The following HERPUD2 variants were observed in gnomAD, a reference collection of about 807,000 sequenced individuals.
The protein encoded by HERPUD2 is HERPUD family member 2, also known as homocysteine-responsive endoplasmic reticulum-resident ubiquitin-like domain member 2 protein.
Under a neutral mutation model 49.9 loss-of-function variants are expected in HERPUD2, and 13 were observed. That is an observed-to-expected ratio of 0.26 (90% CI 0.17 to 0.41). HERPUD2 has a LOEUF of 0.41. HERPUD2 is among the 10% of genes least tolerant of loss of function. The pLI, the probability that HERPUD2 is intolerant of heterozygous loss-of-function variation, is 1.00. For missense variants in HERPUD2, 449 were observed against 492.2 expected (o/e 0.91, Z 0.83); for synonymous variants, 172 against 171.4 (o/e 1.00, Z -0.03).
At chr7:35,639,097 C>T (rs188646139) in intron 5 of HERPUD2, among the ~76,000 whole-genome samples, 22 of 151,412 alleles carry the variant, frequency 1.5e-4, no homozygotes, top group African/African-American at 2.7e-4. Flanking sequence ...GGCGTGATCT[C>T]GGCTCAGTGA....
chr7:35,677,762 T>C (rs563376345), intron 2 of HERPUD2, among the ~76,000 whole-genome samples: 3 of 152,282 alleles, frequency 2.0e-5, no homozygotes, highest in South Asian at 4.1e-4. Flanking sequence ...AAACTGATGA[T>C]GCAAGAGAGA....
At chr7:35,661,021 T>G (rs1405015161) in intron 5 of HERPUD2, among the ~76,000 whole-genome samples, 2 of 152,234 alleles carry the variant, frequency 1.3e-5, no homozygotes, top group African/African-American at 4.8e-5. Flanking sequence ...GGTCTAACAT[T>G]TAAGTCTTTA....
rs1284935914 is a variant in HERPUD2 at position 35,682,355 on chromosome 7, GTGTATATATA to G, written c.148-9087_148-9078del. On this transcript the variant is annotated intron_variant, in intron 2 of 8. Transcript: ENST00000311350. The stretch of plus-strand genomic sequence containing the variant: ...TGTGTGTGTGTGTGTGTGTGTGTGT[GTGTATATATA>G]TATATATATATATATATATATACTT... Among the ~76,000 whole-genome samples the G allele has an allele frequency of 3.8e-3, 114 of 30,370 alleles. 11 individuals carry two copies. Among genetic ancestry groups the G allele is most frequent in the Middle Eastern group, 0.028 (1 of 36 alleles). The allele number at this position is 30,370 out of a possible 152,430, so 19.9% of individuals were successfully genotyped here. A position where few individuals can be genotyped will look rare whatever the true frequency, so the allele number is the denominator to read the frequency against.
rs145238453 is a variant in HERPUD2, at chr7:35,633,850, T to C, written c.1061A>G (p.Glu354Gly). Residue 354 changes from glutamate to glycine, a missense_variant and splice_region_variant, in exon 9 of 9, where the codon GAG (glutamate) becomes GGG (glycine). Transcript: ENST00000311350. ...NANNLELEEM[E>G]RLMDDGLEDE... ...TTCAAGCCCATCATCCATAAGACGCTCCTTTCAAGCAAAACAAGAAAGATA... is the reference window on the plus strand; with the variant it reads ...TTCAAGCCCATCATCCATAAGACGCCCCTTTCAAGCAAAACAAGAAAGATA... 3.1e-6 allele frequency: 5 copies of C among 1,612,120 alleles called. No individual in the cohort carries two copies. In the South Asian group the frequency reaches 5.5e-5, roughly 18 times the overall value.
chr7:35,636,125 T>C (rs1478860533), intron 6 of HERPUD2, among the ~76,000 whole-genome samples: 8 of 152,280 alleles, frequency 5.3e-5, no homozygotes, highest in Non-Finnish European at 1.0e-4. Context: ...AAAGTGATAA[T>C]ATATCTTGGA....
intron 2 of HERPUD2, among the ~76,000 whole-genome samples, chr7:35,687,511 T>C (rs1404712512): frequency 7.2e-5 from 11 of 152,162 alleles, no homozygotes; most frequent in Non-Finnish European, 1.2e-4. Flanking sequence ...GTACTCTGAG[T>C]GGCCCAGAAA....
intron 2 of HERPUD2, among the ~76,000 whole-genome samples, chr7:35,683,360 C>G (rs1356381035): frequency 6.6e-6 from 1 of 152,150 alleles, no homozygotes; most frequent in Non-Finnish European, 1.5e-5. Flanking sequence ...GGATAATTGG[C>G]TAGTCACATG....
intron 5 of HERPUD2, among the ~76,000 whole-genome samples, chr7:35,649,003 G>A (rs977904959): frequency 6.6e-6 from 1 of 152,190 alleles, no homozygotes; most frequent in Non-Finnish European, 1.5e-5. Context: ...TGTAATCCCA[G>A]CACTTTGGGA....
In HERPUD2 at chr7:35,670,285, G is replaced by C. The variant is rs765432582; in HGVS notation, c.269C>G (p.Thr90Ser). 4.4e-6 allele frequency: 7 copies of C among 1,586,682 alleles called. No individual in the cohort carries two copies. The East Asian group carries it at 1.6e-4, about 36-fold the overall frequency. The change falls in exon 4 of 9, where the codon ACT becomes AGT. Residue 90 changes from threonine to serine, a missense_variant. Physicochemically the swap from Thr to Ser is moderately conservative, Grantham distance 58 (BLOSUM62 1). Transcript: ENST00000311350. ...HMVHLVCTSR[T>S]PPSSPKSSTN... The stretch of plus-strand genomic sequence containing the variant: ...GCTGGATTTTGGAGAACTGGGAGGA[G>C]TCCGAGAAGTACATACTAGATGAAC...
chr7:35,652,205 C>T (rs1331745593), intron 5 of HERPUD2, among the ~76,000 whole-genome samples: 5 of 152,182 alleles, frequency 3.3e-5, no homozygotes, highest in Admixed American at 6.5e-5. Context: ...AAATCCACCA[C>T]GGTGCGCTCA....
At position 35,633,823 on chromosome 7, in the gene HERPUD2, T is replaced by C. The variant is rs750053973; in HGVS notation, c.1088A>G (p.Asp363Gly). 3 of 1,613,956 alleles carry C rather than the reference T, an allele frequency of 1.9e-6. No individual in the cohort carries two copies. The highest frequency in any genetic ancestry group is 4.5e-5 in the East Asian group (2 of 44,868). ...TTCACCTCCATCTTCTCCACTCTCATCTTCAAGCCCATCATCCATAAGACG... is the reference window on the plus strand; with the variant it reads ...TTCACCTCCATCTTCTCCACTCTCACCTTCAAGCCCATCATCCATAAGACG... ...MERLMDDGLE[D>G]ESGEDGGEDA... Residue 363 changes from aspartate to glycine, a missense_variant, in exon 9 of 9, where the codon GAT (aspartate) becomes GGT (glycine). Physicochemically the swap from Asp to Gly is moderately conservative, Grantham distance 94. Transcript: ENST00000311350.
intron 2 of HERPUD2, among the ~76,000 whole-genome samples, chr7:35,684,284 G>T (rs527297242): frequency 1.3e-5 from 2 of 152,138 alleles, no homozygotes; most frequent in Admixed American, 1.3e-4. Context: ...CAGCTACTCG[G>T]GAGGCTGAGG....
intron 3 of HERPUD2, among the ~76,000 whole-genome samples, chr7:35,672,445 AT>A (rs886564507): frequency 6.6e-6 from 1 of 152,128 alleles, no homozygotes; most frequent in East Asian, 1.9e-4. Flanking sequence ...ATACTAATAT[AT>A]TTTTTTAAAG....
At chr7:35,663,357 G>C (rs945004906) in intron 5 of HERPUD2, among the ~76,000 whole-genome samples, 5 of 152,200 alleles carry the variant, frequency 3.3e-5, no homozygotes, top group African/African-American at 1.2e-4. Context: ...GTGATGTGGT[G>C]CTGACAAGAA....
chr7:35,667,179 G>A (rs1785554063), intron 5 of HERPUD2, among the ~76,000 whole-genome samples: 1 of 152,160 alleles, frequency 6.6e-6, no homozygotes, highest in Non-Finnish European at 1.5e-5. Flanking sequence ...ATACAAACCT[G>A]CAGCTCAACA....
At chr7:35,680,559 G>A (rs1785860529) in intron 2 of HERPUD2, among the ~76,000 whole-genome samples, 1 of 152,122 alleles carries the variant, frequency 6.6e-6, no homozygotes, top group Admixed American at 6.6e-5. Flanking sequence ...CTCCCCGACA[G>A]TATTCTTTCC....
intron 2 of HERPUD2, among the ~76,000 whole-genome samples, chr7:35,674,604 C>A (rs1342117638): frequency 1.3e-5 from 2 of 151,572 alleles, no homozygotes; most frequent in Non-Finnish European, 2.9e-5. Context: ...GGCTGGGGGA[C>A]CCTACAATTT....
intron 5 of HERPUD2, among the ~76,000 whole-genome samples, chr7:35,641,207 T>C (rs1299708051): frequency 6.6e-6 from 1 of 152,136 alleles, no homozygotes; most frequent in African/African-American, 2.4e-5. Flanking sequence ...AAAGATTAAA[T>C]AAAAATATCC....
At chr7:35,638,903 T>A (rs10240731) in intron 5 of HERPUD2, among the ~76,000 whole-genome samples, 140 of 152,108 alleles carry the variant, frequency 9.2e-4, no homozygotes, top group African/African-American at 3.3e-3. Flanking sequence ...AAACTATTAT[T>A]AAAATATAGC....
Sources: allele counts gnomAD v4.1 joint callset (sites outside exome capture counted in the v4.1 genomes callset), GRCh38; gene constraint gnomAD v4.1.1; transcripts MANE v1.5; gene names NCBI Gene and HGNC (gene_info 2026-07-23, HGNC 2026-07-21).